Variants in EBF1 observed in about 807,000 individuals in gnomAD.
EBF1 encodes EBF transcription factor 1, also known as transcription factor COE1.
A neutral mutation model predicts 68.4 loss-of-function variants in EBF1; 10 were observed. The ratio of observed to expected loss-of-function variants is 0.15; its 90% confidence interval spans 0.09 to 0.25. The LOEUF (loss-of-function observed/expected upper bound fraction) is 0.25. EBF1 is among the 10% of genes least tolerant of loss of function. The pLI, the probability that EBF1 is intolerant of heterozygous loss-of-function variation, is 1.00. For synonymous variants in EBF1, 298 were observed against 299.8 expected (o/e 0.99, Z 0.06); for missense variants, 509 against 794.4 (o/e 0.64, Z 4.32).
At chr5:159,056,408 C>T (rs1390395788) in intron 6 of EBF1, among the ~76,000 whole-genome samples, 11 of 152,110 alleles carry the variant, frequency 7.2e-5, no homozygotes, top group African/African-American at 2.4e-5. Context: ...CAGAAGCTGC[C>T]AACTCCCCAC....
At position 158,996,684 on chromosome 5, in the gene EBF1, G is replaced by A. The variant is rs149305802; in HGVS notation, c.554+76712C>T. ...CCACTTAAGCAGCCTTACAGGAACT[G>A]GACACTTCTACCATTTATTACTGAG... On this transcript the variant is annotated intron_variant, in intron 6 of 15. Coordinates refer to ENST00000313708, the MANE Select transcript of EBF1 (RefSeq NM_024007.5). 7.7e-3 allele frequency among the ~76,000 whole-genome samples: 1,178 copies of A among 152,178 alleles called. 8 individuals carry two copies. The highest frequency in any genetic ancestry group is 0.034 in the Middle Eastern group (10 of 294).
In EBF1 at chr5:159,030,946, G is replaced by C. The variant is rs540843269; in HGVS notation, c.554+42450C>G. ...CCAGCACTTTCGGAGCTCGAGGCAGGCGGATTACCTGAGGTTGGGAGTTCA... is the reference window on the plus strand; with the variant it reads ...CCAGCACTTTCGGAGCTCGAGGCAGCCGGATTACCTGAGGTTGGGAGTTCA... On this transcript the variant is annotated intron_variant, in intron 6 of 15. Coordinates refer to ENST00000313708, the MANE Select transcript of EBF1 (RefSeq NM_024007.5). 1.8e-3 allele frequency among the ~76,000 whole-genome samples: 280 copies of C among 152,298 alleles called. 2 individuals are homozygous for C. The highest frequency in any genetic ancestry group is 2.2e-3 in the Non-Finnish European group (149 of 68,024).
At chr5:158,829,480 C>T (rs1582306366) in intron 7 of EBF1, among the ~76,000 whole-genome samples, 3 of 151,754 alleles carry the variant, frequency 2.0e-5, no homozygotes, top group East Asian at 1.9e-4. Flanking sequence ...CCACCACACC[C>T]GGCCCACAAA....
intron 6 of EBF1, among the ~76,000 whole-genome samples, chr5:159,008,700 G>A (rs968435827): frequency 1.3e-5 from 2 of 151,452 alleles, no homozygotes; most frequent in African/African-American, 4.9e-5. Context: ...TAATTTTTTT[G>A]TTGTTGTTGT....
At chr5:158,931,813 C>A (rs1435192884) in intron 6 of EBF1, among the ~76,000 whole-genome samples, 1 of 152,104 alleles carries the variant, frequency 6.6e-6, no homozygotes, top group Non-Finnish European at 1.5e-5. Flanking sequence ...GAAATGTTGA[C>A]ACATCCTCCT....
chr5:158,918,694 T>C (rs889931009), intron 6 of EBF1, among the ~76,000 whole-genome samples: 2 of 152,202 alleles, frequency 1.3e-5, no homozygotes, highest in Non-Finnish European at 2.9e-5. Flanking sequence ...TCCCCACACT[T>C]ACCCTTACTT....
At chr5:158,945,402 GA>G (rs1814431211) in intron 6 of EBF1, among the ~76,000 whole-genome samples, 1 of 152,168 alleles carries the variant, frequency 6.6e-6, no homozygotes, top group African/African-American at 2.4e-5. Flanking sequence ...TGTTATTTCT[GA>G]GGCCTCTGTT....
chr5:158,702,122 T>C (rs2127461711), intron 15 of EBF1, among the ~76,000 whole-genome samples: 1 of 152,310 alleles, frequency 6.6e-6, no homozygotes, highest in South Asian at 2.1e-4. Context: ...TTGAGTAAAT[T>C]ATGGGAAAAG....
chr5:158,739,817 T>A (rs1015557836), intron 10 of EBF1, among the ~76,000 whole-genome samples: 1 of 152,224 alleles, frequency 6.6e-6, no homozygotes, highest in Non-Finnish European at 1.5e-5. Flanking sequence ...TCACCCAGCC[T>A]GTCTGATAAA....
chr5:158,990,401 T>C (rs189460315), intron 6 of EBF1, among the ~76,000 whole-genome samples: 2 of 152,218 alleles, frequency 1.3e-5, no homozygotes, highest in African/African-American at 4.8e-5. Context: ...TGTGGAGGAA[T>C]GGATTAGAGG....
At chr5:158,816,438 A>C (rs181440193) in intron 8 of EBF1, among the ~76,000 whole-genome samples, 51 of 152,374 alleles carry the variant, frequency 3.3e-4, no homozygotes, top group Admixed American at 3.1e-3. Flanking sequence ...AGCTATGTTT[A>C]AGCTTGAGCA....
chr5:158,866,424 T>A (rs111436294), intron 6 of EBF1, among the ~76,000 whole-genome samples: 1 of 152,172 alleles, frequency 6.6e-6, no homozygotes. Flanking sequence ...CAGCCTAATA[T>A]TTGACAGCTC....
chr5:158,959,293 AT>A (rs11404732), intron 6 of EBF1, among the ~76,000 whole-genome samples: 3,304 of 144,588 alleles, frequency 0.023, 41 homozygotes, highest in Non-Finnish European at 0.033. Flanking sequence ...CTACTTAAGA[AT>A]TTTTTTTTTT....
At chr5:158,864,509 A>T (rs182004052) in intron 6 of EBF1, among the ~76,000 whole-genome samples, 2 of 152,252 alleles carry the variant, frequency 1.3e-5, no homozygotes, top group Non-Finnish European at 1.5e-5. Context: ...TGGTTGCCCC[A>T]GTAGTTCTAT....
chr5:158,930,630 G>A (rs1290586127), intron 6 of EBF1, among the ~76,000 whole-genome samples: 1 of 152,196 alleles, frequency 6.6e-6, no homozygotes, highest in Admixed American at 6.5e-5. Context: ...GTTGTATGAT[G>A]CATTTTAGGA....
At chr5:158,907,833 CTT>C (rs1366137134) in intron 6 of EBF1, among the ~76,000 whole-genome samples, 3 of 151,970 alleles carry the variant, frequency 2.0e-5, no homozygotes, top group South Asian at 4.2e-4. Flanking sequence ...AGTGTTCTCT[CTT>C]TTGTTCTCAG....
chr5:159,096,332 C>T lies in EBF1; in HGVS notation c.355+11G>A. 1.2e-6 allele frequency: 2 copies of T among 1,612,504 alleles called. No individual in the cohort carries two copies. Among genetic ancestry groups the T allele is most frequent in the Non-Finnish European group, 1.7e-6 (2 of 1,179,416 alleles). On this transcript the variant is annotated intron_variant, in intron 3 of 15. Coordinates refer to ENST00000313708, the MANE Select transcript of EBF1 (RefSeq NM_024007.5). ...CCCAGGGTGAGGCCATAGACCCGACCCGGGCCTCACCATTGCTGTAGAGAA... is the reference window on the plus strand; with the variant it reads ...CCCAGGGTGAGGCCATAGACCCGACTCGGGCCTCACCATTGCTGTAGAGAA...
chr5:158,949,824 A>G (rs913874388), intron 6 of EBF1, among the ~76,000 whole-genome samples: 1 of 152,226 alleles, frequency 6.6e-6, no homozygotes, highest in Non-Finnish European at 1.5e-5. Flanking sequence ...CCCCTGCTCT[A>G]GTTGTCTCAT....
chr5:158,865,447 G>A (rs1053646715), intron 6 of EBF1, among the ~76,000 whole-genome samples: 3 of 152,114 alleles, frequency 2.0e-5, no homozygotes, highest in Non-Finnish European at 4.4e-5. Flanking sequence ...ATTATTGTGA[G>A]AAATAAGTAA....
Sources: allele counts gnomAD v4.1 joint callset (sites outside exome capture counted in the v4.1 genomes callset), GRCh38; gene constraint gnomAD v4.1.1; transcripts MANE v1.5; gene names NCBI Gene and HGNC (gene_info 2026-07-23, HGNC 2026-07-21).